Variants in HNRNPR observed in about 807,000 individuals in gnomAD.
The protein encoded by HNRNPR is heterogeneous nuclear ribonucleoprotein R.
A neutral mutation model predicts 70.3 loss-of-function variants in HNRNPR; 4 were observed. That is an observed-to-expected ratio of 0.06 (90% CI 0.03 to 0.13). The LOEUF is 0.13. Ranked by LOEUF, HNRNPR falls within the 10% of genes least tolerant of loss-of-function variation. The pLI is 1.00. For missense variants in HNRNPR, 423 were observed against 788.5 expected, an observed-to-expected ratio of 0.54 and a Z score of 5.55; for synonymous variants, 241 against 267.6, an observed-to-expected ratio of 0.90 and a Z score of 0.97.
chr1:23,336,116 C>CAAAAAAAAAAAAAAAAAA (rs71020498), intron 4 of HNRNPR, among the ~76,000 whole-genome samples: 2 of 49,486 alleles, frequency 4.0e-5, no homozygotes, highest in African/African-American at 1.6e-4. Flanking sequence ...GACTCCGTCT[C>CAAAAAAAAAAAAAAAAAA]AAAAAAAAAA....
chr1:23,334,301 A>T (rs1646372930), intron 4 of HNRNPR, among the ~76,000 whole-genome samples: 1 of 136,408 alleles, frequency 7.3e-6, no homozygotes, highest in Non-Finnish European at 1.5e-5. Context: ...CAGTAGCGCG[A>T]TCTCGGCTCA....
chr1:23,313,461 C>A, intron 9 of HNRNPR, 92 bp downstream of exon 9: 3 of 837,896 alleles, frequency 3.6e-6, no homozygotes, highest in Non-Finnish European at 5.7e-6. Flanking sequence ...AGCTGACAAC[C>A]AATATTGTTT....
chr1:23,324,772 T>C lies in HNRNPR; in HGVS notation c.499-1040A>G, dbSNP rs142251397. Among the ~76,000 whole-genome samples, 321 of 152,268 alleles carry C rather than the reference T, an allele frequency of 2.1e-3. 2 individuals carry two copies. Among genetic ancestry groups the C allele is most frequent in the African/African-American group, 7.1e-3 (296 of 41,556 alleles). ...TAATATACAATGATAAATTAAAAAT[T>C]ATACAGTCAAAAACCCTCATTTGAT... is the stretch of plus-strand genomic sequence containing the variant. On this transcript the variant is annotated intron_variant, in intron 5 of 10. Transcript: ENST00000302271.
At chr1:23,333,977 C>A (rs1192709685) in intron 4 of HNRNPR, among the ~76,000 whole-genome samples, 1 of 150,650 alleles carries the variant, frequency 6.6e-6, no homozygotes, top group Non-Finnish European at 1.5e-5. Flanking sequence ...GCAGTGGCAT[C>A]GTCTCGGCTC....
intron 8 of HNRNPR, among the ~76,000 whole-genome samples, chr1:23,317,779 C>T (rs970150729): frequency 6.6e-6 from 1 of 151,900 alleles, no homozygotes; most frequent in African/African-American, 2.4e-5. Context: ...CTTAGGAGTT[C>T]GAGACCAGCC....
At chr1:23,316,446 C>T (rs1464229580) in intron 8 of HNRNPR, among the ~76,000 whole-genome samples, 1 of 152,048 alleles carries the variant, frequency 6.6e-6, no homozygotes, top group Non-Finnish European at 1.5e-5. Context: ...TTTTCTAACC[C>T]TAAAAAAAGA....
intron 7 of HNRNPR, among the ~76,000 whole-genome samples, chr1:23,321,269 A>T (rs985733991): frequency 1.3e-5 from 2 of 152,132 alleles, no homozygotes; most frequent in Non-Finnish European, 2.9e-5. Flanking sequence ...AAAAGCATTC[A>T]CTTGAGGGCT....
intron 4 of HNRNPR, among the ~76,000 whole-genome samples, chr1:23,337,454 G>C (rs561490142): frequency 6.6e-6 from 1 of 152,100 alleles, no homozygotes; most frequent in East Asian, 1.9e-4. Context: ...TCAGGAGATC[G>C]AGACCAATCT....
chr1:23,337,984 A>G, intron 3 of HNRNPR, 123 bp from the exon 4 acceptor site: 1 of 672,202 alleles, frequency 1.5e-6, no homozygotes, highest in Non-Finnish European at 2.5e-6. Flanking sequence ...TTCATTCAAC[A>G]AGTATTTGCC....
At chr1:23,317,902 C>T (rs1645612438) in intron 8 of HNRNPR, among the ~76,000 whole-genome samples, 1 of 151,950 alleles carries the variant, frequency 6.6e-6, no homozygotes, top group Non-Finnish European at 1.5e-5. Context: ...ATCGCTTGAA[C>T]CTGGGAGGTG....
chr1:23,316,662 A>G (rs761359116), intron 8 of HNRNPR, among the ~76,000 whole-genome samples: 7 of 152,214 alleles, frequency 4.6e-5, no homozygotes, highest in Non-Finnish European at 7.3e-5. Context: ...CTACAGGTAG[A>G]TTCAAAGTTG....
chr1:23,316,570 T>C (rs1045191681), intron 8 of HNRNPR, among the ~76,000 whole-genome samples: 4 of 152,182 alleles, frequency 2.6e-5, no homozygotes, highest in Non-Finnish European at 5.9e-5. Context: ...TTTTATAATA[T>C]TTTATTCCTC....
chr1:23,324,830 T>C (rs1395294251), intron 5 of HNRNPR, among the ~76,000 whole-genome samples: 1 of 151,964 alleles, frequency 6.6e-6, no homozygotes, highest in Non-Finnish European at 1.5e-5. Context: ...GTTTTTCCAA[T>C]GTAAGCAACA....
chr1:23,323,703 T>C lies in HNRNPR; in HGVS notation c.528A>G (p.Leu176=), dbSNP rs1645845981. 2 of 1,614,056 alleles carry C rather than the reference T, an allele frequency of 1.2e-6. No individual in the cohort carries two copies. The highest frequency in any genetic ancestry group is 1.7e-6 in the Non-Finnish European group (2 of 1,179,958). Residue 176 remains leucine (L), a synonymous_variant, in exon 6 of 11, where the codon TTA becomes TTG. Coordinates refer to ENST00000302271, the MANE Select transcript of HNRNPR (RefSeq NM_005826.5). ...AAAGGGGCACCAACTCATCCTCATATAAATCCCTTGGTATTTTGCCTACAA... is the reference window on the plus strand; with the variant it reads ...AAAGGGGCACCAACTCATCCTCATACAAATCCCTTGGTATTTTGCCTACAA... ...EVFVGKIPRD[L]YEDELVPLFE... is the part of the protein sequence containing the mutation.
At chr1:23,335,830 T>C (rs1318385338) in intron 4 of HNRNPR, among the ~76,000 whole-genome samples, 1 of 152,116 alleles carries the variant, frequency 6.6e-6, no homozygotes, top group Admixed American at 6.5e-5. Context: ...TTAAAAAGTC[T>C]ATCACAGCCG....
At chr1:23,331,402 A>C (rs1158146126) in intron 5 of HNRNPR, among the ~76,000 whole-genome samples, 1 of 112,268 alleles carries the variant, frequency 8.9e-6, no homozygotes. Context: ...CTCCACAAAA[A>C]ATTAAAAAAA....
At position 23,328,962 on chromosome 1, in the gene HNRNPR, A is replaced by T. The variant is rs995688224; in HGVS notation, c.498+4556T>A. 3.9e-5 allele frequency among the ~76,000 whole-genome samples: 6 copies of T among 152,272 alleles called. No individual in the cohort carries two copies. The East Asian group carries it at 5.8e-4, about 15-fold the overall frequency. ...AGCGAGACCCTGCCTCTATAAAAAA[A>T]TTTAAAAAATTGGCTCAGTGTGGTG... On this transcript the variant is annotated intron_variant, in intron 5 of 10. Transcript: ENST00000302271.
At chr1:23,320,974 C>G (rs2148370373) in intron 7 of HNRNPR, among the ~76,000 whole-genome samples, 1 of 152,154 alleles carries the variant, frequency 6.6e-6, no homozygotes, top group South Asian at 2.1e-4. Context: ...CTAGACTAGC[C>G]TGACCAACAT....
At chr1:23,313,260 C>T (rs988880772) in intron 9 of HNRNPR, among the ~76,000 whole-genome samples, 2 of 152,112 alleles carry the variant, frequency 1.3e-5, no homozygotes, top group African/African-American at 4.8e-5. Flanking sequence ...TCAGTGTTTA[C>T]AGCAGCTAAT....
Sources: allele counts gnomAD v4.1 joint callset (sites outside exome capture counted in the v4.1 genomes callset), GRCh38; gene constraint gnomAD v4.1.1; transcripts MANE v1.5; gene names NCBI Gene and HGNC (gene_info 2026-07-23, HGNC 2026-07-21).